The following POLG2 variants were observed in gnomAD, a reference collection of about 807,000 sequenced individuals.
The protein encoded by POLG2 is DNA polymerase gamma 2, accessory subunit.
A neutral mutation model predicts 56.5 loss-of-function variants in POLG2; 50 were observed. The observed-to-expected ratio is 0.88, with a 90% CI of 0.71 to 1.12. The LOEUF is 1.12. POLG2 is among the 50% of genes most tolerant of loss of function. POLG2 has a pLI of 0.00. For synonymous variants in POLG2, 226 were observed against 222.6 expected, an observed-to-expected ratio of 1.02 and a Z score of -0.14; for missense variants, 584 against 583.3, an observed-to-expected ratio of 1.00 and a Z score of -0.01.
At chr17:64,487,869 T>C (rs1444682318) in intron 4 of POLG2, among the ~76,000 whole-genome samples, 1 of 151,972 alleles carries the variant, frequency 6.6e-6, no homozygotes, top group Non-Finnish European at 1.5e-5. Flanking sequence ...TGTTTATTGT[T>C]TTCTAATTTT....
At chr17:64,487,169 T>C (rs2037971470) in intron 4 of POLG2, 2 of 152,214 alleles carry the variant, frequency 1.3e-5, no homozygotes. Flanking sequence ...CATTAATACA[T>C]ATATGTACTG....
At chr17:64,480,964 C>G (rs1320637728) in intron 6 of POLG2, among the ~76,000 whole-genome samples, 1 of 152,182 alleles carries the variant, frequency 6.6e-6, no homozygotes. Context: ...ATAAATGACA[C>G]AGTAAACTTA....
intron 6 of POLG2, chr17:64,481,290 T>C: frequency 1.0e-6 from 1 of 985,400 alleles, no homozygotes; most frequent in Non-Finnish European, 1.2e-6. Flanking sequence ...TCTCCTTCTT[T>C]GAGCTCACTA....
rs199528555 is a variant in POLG2, at chr17:64,492,546, GTATAA to G, written c.795+116_795+120del. 861 of 668,802 alleles carry G rather than the reference GTATAA, an allele frequency of 1.3e-3. 5 individuals carry two copies. In the African/African-American group the frequency reaches 0.013, roughly 10 times the overall value. 41.4% of individuals were successfully genotyped at this position (668,802 alleles called of 1,614,324 possible). ...ATTGTTACAAAGAGTTTTTGTATTT[GTATAA>G]TATATTAATAGCTACATACATCAAA... On this transcript the variant is annotated intron_variant, in intron 3 of 7. Coordinates refer to ENST00000539111, the MANE Select transcript of POLG2 (RefSeq NM_007215.4).
chr17:64,493,099 G>A lies in POLG2; in HGVS notation c.563-78C>T, dbSNP rs2038091779. 7.0e-6 allele frequency: 10 copies of A among 1,431,838 alleles called. No homozygotes were observed. The South Asian group carries it at 1.0e-4, about 15-fold the overall frequency. The allele number at this position is 1,431,838 out of a possible 1,614,324, so 88.7% of individuals were successfully genotyped here. On this transcript the variant is annotated intron_variant, in intron 1 of 7. Coordinates refer to ENST00000539111, the MANE Select transcript of POLG2 (RefSeq NM_007215.4). ...ATTTTTGTCAATAGACACATTAATA[G>A]TAGTAATAACGTTAACACAGCATAA...
intron 5 of POLG2, 31 bp downstream of exon 5, chr17:64,485,697 C>A (rs1268247915): frequency 3.2e-6 from 5 of 1,579,830 alleles, no homozygotes; most frequent in Non-Finnish European, 3.5e-6. Flanking sequence ...TTTTTAGTTT[C>A]CCAAGTCTAT....
intron 6 of POLG2, chr17:64,481,520 C>A (rs1470055006): frequency 3.9e-6 from 2 of 506,572 alleles, no homozygotes; most frequent in East Asian, 3.0e-4. Flanking sequence ...TTAGAAAAAT[C>A]AAAATAAAAT....
intron 4 of POLG2, among the ~76,000 whole-genome samples, chr17:64,488,805 T>C (rs1465668311): frequency 6.6e-6 from 1 of 151,988 alleles, no homozygotes; most frequent in African/African-American, 2.4e-5. Context: ...CTGTCTCTAC[T>C]AAAAATACAA....
intron 3 of POLG2, chr17:64,491,939 CA>C (rs782671593): frequency 2.8e-4 from 40 of 145,040 alleles, no homozygotes; most frequent in South Asian, 2.0e-3. Flanking sequence ...AAAAAAAAAA[CA>C]AAAAAAAAAC....
rs1555668752 is a variant in POLG2 at position 64,492,762 on chromosome 17, T to C, written c.700A>G (p.Lys234Glu). 6.2e-7 allele frequency: 1 copy of C among 1,611,194 alleles called. No homozygotes were observed. The highest frequency in any genetic ancestry group is 8.5e-7 in the Non-Finnish European group (1 of 1,177,528). Residue 234 changes from lysine (K) to glutamate (E), a missense_variant, in exon 3 of 8, where the codon AAG (lysine) becomes GAG (glutamate). By Grantham distance (56) the Lys-to-Glu change is moderately conservative (BLOSUM62 1). Coordinates refer to ENST00000539111, the MANE Select transcript of POLG2 (RefSeq NM_007215.4). Reference sequence around the variant, plus strand: ...AACCATACTAACGAAGCTTCAGTCTTCTCACCAATACTTTAGATATAAAAC... The same window carrying C: ...AACCATACTAACGAAGCTTCAGTCTCCTCACCAATACTTTAGATATAAAAC... ...IRNGVKSIGE[K>E]TEASLVWFTP...
In POLG2 at chr17:64,485,810, T is replaced by C; in HGVS notation, c.1028A>G (p.Asp343Gly). The C allele has an allele frequency of 6.2e-7, 1 of 1,613,438 alleles. No homozygotes were observed. The highest frequency in any genetic ancestry group is 8.5e-7 in the Non-Finnish European group (1 of 1,179,298). ...PCVLSVNGDL[D>G]RGMLAYLYDS... The stretch of plus-strand genomic sequence containing the variant: ...ATAGAGGTAGGCCAGCATGCCTCGG[T>C]CTAGGTCCCCATTTACAGAGAGAAC... The change falls in exon 5 of 8, where the codon GAC becomes GGC. Residue 343 changes from aspartate to glycine, a missense_variant. Transcript: ENST00000539111.
In POLG2 at chr17:64,492,688, A is replaced by G; in HGVS notation, c.774T>C (p.His258=). ...SNQWLDFWLR[H]RLQWWRKFAM... ...GTACCTTTCTCCACCACTGGAGTCG[A>G]TGACGTAACCAGAAATCAAGCCACT... Residue 258 remains histidine, a synonymous_variant, in exon 3 of 8, where the codon CAT becomes CAC. Coordinates refer to ENST00000539111, the MANE Select transcript of POLG2 (RefSeq NM_007215.4). 1 of 1,610,214 alleles carries G rather than the reference A, an allele frequency of 6.2e-7. No homozygotes were observed. The highest frequency in any genetic ancestry group is 2.2e-5 in the East Asian group (1 of 44,856).
rs2038062714 is a variant in POLG2, at chr17:64,491,744, T to C, written c.796-775A>G. The C allele has an allele frequency of 3.9e-6, 3 of 760,270 alleles. No individual in the cohort carries two copies. The East Asian group carries it at 8.6e-5, about 22-fold the overall frequency. 47.1% of individuals were successfully genotyped at this position (760,270 alleles called of 1,614,324 possible). Reference sequence around the variant, plus strand: ...GGTACATGCTCTTCATCTACTGCCTTTCCTACAAGGAGCTCAAGCACGAGC... The same window carrying C: ...GGTACATGCTCTTCATCTACTGCCTCTCCTACAAGGAGCTCAAGCACGAGC... On this transcript the variant is annotated intron_variant, in intron 3 of 7. Coordinates refer to ENST00000539111, the MANE Select transcript of POLG2 (RefSeq NM_007215.4).
At position 64,480,377 on chromosome 17, in the gene POLG2, GC is replaced by G. The variant is rs2037837658; in HGVS notation, c.1203del (p.Leu402TyrfsTer6). 6.4e-7 allele frequency: 1 copy of G among 1,557,156 alleles called. No individual in the cohort carries two copies. Among genetic ancestry groups the G allele is most frequent in the South Asian group, 1.1e-5 (1 of 89,926 alleles). On this transcript the variant is annotated frameshift_variant, in exon 7 of 8. Coordinates refer to ENST00000539111, the MANE Select transcript of POLG2 (RefSeq NM_007215.4). LOFTEE classifies it high-confidence loss of function. ...CCATTTTCTAGTAACTCATTAAATA[GC>G]CCTTGACAAACCTAGAAAGAAATAG... Reference protein sequence around the residue: ...PTLELRQVCQGLFNELLENGI... With the variant: ...PTLELRQVCQXLFNELLENGI...
intron 4 of POLG2, 77 bp downstream of exon 4, chr17:64,490,719 C>G: frequency 1.7e-6 from 2 of 1,171,386 alleles, no homozygotes; most frequent in Non-Finnish European, 2.6e-6. Flanking sequence ...CACGTTTGCA[C>G]CTTATTCTCA....
intron 3 of POLG2, among the ~76,000 whole-genome samples, chr17:64,491,189 A>C (rs1467038348): frequency 6.6e-6 from 1 of 152,134 alleles, no homozygotes; most frequent in Non-Finnish European, 1.5e-5. Flanking sequence ...GTGGCTAGTC[A>C]CAGGTACAAT....
At chr17:64,486,866 G>A (rs1555667575) in intron 4 of POLG2, 1 of 152,128 alleles carries the variant, frequency 6.6e-6, no homozygotes, top group African/African-American at 2.4e-5. Context: ...CATAGTACAT[G>A]ATATGAATTA....
At chr17:64,478,110 T>C in intron 7 of POLG2, 122 bp from the exon 8 acceptor site, 2 of 974,670 alleles carry the variant, frequency 2.1e-6, no homozygotes, top group Non-Finnish European at 3.1e-6. Flanking sequence ...GGCTTAAGGG[T>C]GGACCAAAAA....
chr17:64,491,129 T>C (rs74949491), intron 3 of POLG2, among the ~76,000 whole-genome samples, 160 bp from the exon 4 acceptor site: 2 of 152,348 alleles, frequency 1.3e-5, no homozygotes, highest in East Asian at 3.9e-4. Context: ...TATTCTAATT[T>C]ACATTTTTTT....
Sources: gnomAD v4.1 joint callset for allele counts (sites outside exome capture counted in the v4.1 genomes callset) on GRCh38, gnomAD v4.1.1 for gene constraint, MANE v1.5 for transcripts, NCBI Gene and HGNC (gene_info 2026-07-23, HGNC 2026-07-21) for gene names.